SLAIN2: variants seen among roughly 807,000 people sequenced by gnomAD.
SLAIN2 encodes the protein SLAIN family member 2.
A neutral mutation model predicts 56.6 loss-of-function variants in SLAIN2; 31 were observed. The ratio of observed to expected loss-of-function variants is 0.55; its 90% CI spans 0.41 to 0.74. The LOEUF (loss-of-function observed/expected upper bound fraction) is 0.74, where lower values mean the gene tolerates loss of function less well. Among genes scored for constraint, SLAIN2 ranks in the 30% least tolerant of loss-of-function variants. The pLI is 0.00. For synonymous variants in SLAIN2, 317 were observed against 284.9 expected, an observed-to-expected ratio of 1.11 and a Z score of -1.13; for missense variants, 777 against 754.2, an observed-to-expected ratio of 1.03 and a Z score of -0.35.
chr4:48,354,350 A>C (rs1213503709), intron 1 of SLAIN2, among the ~76,000 whole-genome samples: 2 of 152,192 alleles, frequency 1.3e-5, no homozygotes, highest in Non-Finnish European at 2.9e-5. Context: ...GAAAAAACTG[A>C]TGGGAAAGGG....
chr4:48,360,103 G>A (rs546453049), intron 1 of SLAIN2, among the ~76,000 whole-genome samples: 1 of 151,058 alleles, frequency 6.6e-6, no homozygotes, highest in South Asian at 2.1e-4. Flanking sequence ...GCAGTGAGCT[G>A]AGATCGCGCC....
intron 2 of SLAIN2, among the ~76,000 whole-genome samples, chr4:48,376,421 C>T (rs572039762): frequency 1.5e-4 from 22 of 145,994 alleles, no homozygotes; most frequent in Non-Finnish European, 2.4e-4. Flanking sequence ...CGCCACTGCA[C>T]TCCAGCCTGG....
At position 48,341,911 on chromosome 4, in the gene SLAIN2, T is replaced by C. The variant is rs1714713072; in HGVS notation, c.172T>C (p.Ser58Pro). Residue 58 changes from serine (S) to proline (P), a missense_variant, in exon 1 of 8, where the codon TCC becomes CCC. Physicochemically the swap from Ser to Pro is moderately conservative, Grantham distance 74 (BLOSUM62 -1). Coordinates refer to ENST00000264313, the MANE Select transcript of SLAIN2 (RefSeq NM_020846.2). ...GGTTCGGGCCGGCGCGTCCATTCCC[T>C]CCTCCGGCGCGGCGTCTCCTCGGGG... ...SPVRAGASIP[S>P]SGAASPRGFP... 7 of 1,507,124 alleles carry C rather than the reference T, an allele frequency of 4.6e-6. No homozygotes were observed. Among genetic ancestry groups the C allele is most frequent in the South Asian group, 1.3e-5 (1 of 79,888 alleles). The allele number at this position is 1,507,124 out of a possible 1,614,324, so 93.4% of individuals were successfully genotyped here.
At chr4:48,406,288 G>A (rs1259217307) in intron 6 of SLAIN2, among the ~76,000 whole-genome samples, 1 of 152,092 alleles carries the variant, frequency 6.6e-6, no homozygotes, top group African/African-American at 2.4e-5. Context: ...AAACGTGTAG[G>A]TTTGTGTTTG....
At chr4:48,375,891 A>T (rs1424606954) in intron 2 of SLAIN2, among the ~76,000 whole-genome samples, 1 of 152,152 alleles carries the variant, frequency 6.6e-6, no homozygotes, top group Non-Finnish European at 1.5e-5. Context: ...TCATCCTCTC[A>T]AGACTGCTTC....
At chr4:48,345,566 G>C (rs1050368715) in intron 1 of SLAIN2, among the ~76,000 whole-genome samples, 1 of 151,728 alleles carries the variant, frequency 6.6e-6, no homozygotes, top group African/African-American at 2.4e-5. Flanking sequence ...TGAGCCTGAA[G>C]TATCAACTTC....
chr4:48,407,996 A>G (rs1418558397), intron 6 of SLAIN2, among the ~76,000 whole-genome samples: 2 of 152,138 alleles, frequency 1.3e-5, no homozygotes, highest in Non-Finnish European at 2.9e-5. Flanking sequence ...AATGTTTTCT[A>G]AGTTCGTCAT....
chr4:48,364,830 G>A (rs1003341730), intron 1 of SLAIN2, among the ~76,000 whole-genome samples: 1 of 140,820 alleles, frequency 7.1e-6, no homozygotes, highest in East Asian at 2.2e-4. Flanking sequence ...GTCCAGCTTC[G>A]GCTCCGCATG....
At chr4:48,362,381 A>C (rs1183235494) in intron 1 of SLAIN2, among the ~76,000 whole-genome samples, 2 of 146,516 alleles carry the variant, frequency 1.4e-5, no homozygotes, top group Admixed American at 6.8e-5. Context: ...AAATTTATTT[A>C]TTTCTCTCTC....
intron 6 of SLAIN2, among the ~76,000 whole-genome samples, chr4:48,412,161 T>C (rs1359129316): frequency 1.3e-5 from 2 of 152,162 alleles, no homozygotes; most frequent in Non-Finnish European, 2.9e-5. Context: ...TAAAATACAA[T>C]AAGTTATATA....
At chr4:48,363,918 G>C (rs1166572647) in intron 1 of SLAIN2, among the ~76,000 whole-genome samples, 6 of 86,110 alleles carry the variant, frequency 7.0e-5, no homozygotes, top group Non-Finnish European at 1.6e-4. Flanking sequence ...CTGGCCAGGC[G>C]GGGGGCTGAC....
Position 48,423,497 on chromosome 4 carries a change from G to C in SLAIN2, c.*1420G>C, listed in dbSNP as rs1717217989. ...CTTAGGTCATCTAAAAGCTTTTAGA[G>C]ATTTGAACATAAGTTCATTTCCTGT... On this transcript the variant is annotated 3_prime_UTR_variant, in exon 8 of 8. Transcript: ENST00000264313. 6.6e-6 allele frequency: 1 copy of C among 152,132 alleles called. No individual in the cohort carries two copies. Among genetic ancestry groups the C allele is most frequent in the African/African-American group, 2.4e-5 (1 of 41,436 alleles). The allele number at this position is 152,132 out of a possible 1,614,324, so 9.4% of individuals were successfully genotyped here. A position where few individuals can be genotyped will look rare whatever the true frequency, so the allele number is the denominator to read the frequency against.
At chr4:48,406,379 T>C (rs1200993234) in intron 6 of SLAIN2, among the ~76,000 whole-genome samples, 1 of 152,188 alleles carries the variant, frequency 6.6e-6, no homozygotes, top group African/African-American at 2.4e-5. Context: ...GAGAATCTTA[T>C]TTCTTAGCAA....
intron 6 of SLAIN2, among the ~76,000 whole-genome samples, chr4:48,399,389 TAAG>T (rs1166912882): frequency 1.3e-5 from 2 of 152,226 alleles, no homozygotes; most frequent in African/African-American, 4.8e-5. Flanking sequence ...CTTATGAGCT[TAAG>T]AAGCTCTTGA....
At chr4:48,421,732 C>A (rs1304244383) in intron 7 of SLAIN2, among the ~76,000 whole-genome samples, 2 of 151,558 alleles carry the variant, frequency 1.3e-5, no homozygotes, top group East Asian at 3.9e-4. Context: ...GGTTGGTTAT[C>A]TGTGTGCTTG....
intron 2 of SLAIN2, among the ~76,000 whole-genome samples, chr4:48,376,825 G>T (rs553181229): frequency 6.7e-6 from 1 of 149,726 alleles, no homozygotes; most frequent in Non-Finnish European, 1.5e-5. Flanking sequence ...GGGTTTCACC[G>T]TGGTCTCGAG....
At chr4:48,355,655 C>T (rs1336817240) in intron 1 of SLAIN2, among the ~76,000 whole-genome samples, 1 of 151,978 alleles carries the variant, frequency 6.6e-6, no homozygotes, top group East Asian at 1.9e-4. Flanking sequence ...ACAGTATACC[C>T]GTCTCTCTTA....
chr4:48,383,023 C>T (rs2109763204), intron 5 of SLAIN2, 96 bp downstream of exon 5: 3 of 1,307,868 alleles, frequency 2.3e-6, no homozygotes, highest in South Asian at 3.1e-5. Flanking sequence ...TCAAAATTAG[C>T]TGGGCATGGT....
intron 1 of SLAIN2, among the ~76,000 whole-genome samples, chr4:48,343,180 A>G (rs1033249430): frequency 6.6e-5 from 10 of 152,214 alleles, no homozygotes; most frequent in Non-Finnish European, 5.9e-5. Flanking sequence ...TGAGGTAGTT[A>G]AGAGCTTTCC....
Sources: allele counts gnomAD v4.1 joint callset (sites outside exome capture counted in the v4.1 genomes callset), GRCh38; gene constraint gnomAD v4.1.1; transcripts MANE v1.5; gene names NCBI Gene and HGNC (gene_info 2026-07-23, HGNC 2026-07-21).